Variants in PPP3CB observed in about 807,000 individuals in gnomAD.
PPP3CB encodes the protein protein phosphatase 3 catalytic subunit beta, also known as serine/threonine-protein phosphatase 2B catalytic subunit beta isoform.
In PPP3CB, 8 loss-of-function variants were observed where a neutral mutation model predicts 66.4. The observed-to-expected ratio is 0.12, with a 90% CI of 0.07 to 0.22. The LOEUF is 0.22. Among genes scored for constraint, PPP3CB ranks in the 10% least tolerant of loss-of-function variants. The pLI, the probability that PPP3CB is intolerant of heterozygous loss-of-function variation, is 1.00. For synonymous variants in PPP3CB, 208 were observed against 221.2 expected (o/e 0.94, Z 0.53); for missense variants, 319 against 642.5 (o/e 0.50, Z 5.44).
intron 1 of PPP3CB, among the ~76,000 whole-genome samples, chr10:73,484,727 G>A (rs1439962210): frequency 6.6e-6 from 1 of 152,028 alleles, no homozygotes; most frequent in Non-Finnish European, 1.5e-5. Context: ...CAACTGAAAT[G>A]GCTAATAATA....
In PPP3CB at chr10:73,437,881, T is replaced by C. The variant is rs1338875499; in HGVS notation, c.*361A>G. On this transcript the variant is annotated 3_prime_UTR_variant, in exon 14 of 14. Transcript: ENST00000360663. ...GTCCACATTAGCTCTTAGGATTGCATTTGAAATCATGATTGAAAAACAAAA... is the reference window on the plus strand; with the variant it reads ...GTCCACATTAGCTCTTAGGATTGCACTTGAAATCATGATTGAAAAACAAAA... 1 of 176,188 alleles carries C rather than the reference T, an allele frequency of 5.7e-6. No individual in the cohort carries two copies. The highest frequency in any genetic ancestry group is 1.2e-5 in the Non-Finnish European group (1 of 84,444). 10.9% of individuals were successfully genotyped at this position (176,188 alleles called of 1,614,324 possible). A position where few individuals can be genotyped will look rare whatever the true frequency, so the allele number is the denominator to read the frequency against.
At chr10:73,439,552 A>G (rs887546950) in intron 13 of PPP3CB, among the ~76,000 whole-genome samples, 1 of 152,112 alleles carries the variant, frequency 6.6e-6, no homozygotes, top group Non-Finnish European at 1.5e-5. Context: ...CAGTTTGGCA[A>G]TTTCCATTAA....
intron 10 of PPP3CB, among the ~76,000 whole-genome samples, chr10:73,451,976 G>A (rs2056353504): frequency 6.6e-6 from 1 of 151,374 alleles, no homozygotes; most frequent in African/African-American, 2.4e-5. Flanking sequence ...TTGATCTCCT[G>A]ACCTCATGAT....
chr10:73,488,485 G>A (rs1167059274), intron 1 of PPP3CB, among the ~76,000 whole-genome samples: 1 of 150,526 alleles, frequency 6.6e-6, no homozygotes, highest in Non-Finnish European at 1.5e-5. Context: ...GTTTGAACCT[G>A]CAGTGAGCTA....
At chr10:73,464,202 A>C (rs2132888995) in intron 9 of PPP3CB, among the ~76,000 whole-genome samples, 1 of 152,300 alleles carries the variant, frequency 6.6e-6, no homozygotes, top group Non-Finnish European at 1.5e-5. Flanking sequence ...TGCTGGGATT[A>C]CAGGCATGAG....
chr10:73,459,903 T>C (rs1301949268), intron 9 of PPP3CB, among the ~76,000 whole-genome samples: 1 of 152,190 alleles, frequency 6.6e-6, no homozygotes, highest in African/African-American at 2.4e-5. Flanking sequence ...CACAACTCTG[T>C]AGTATATAAA....
intron 9 of PPP3CB, among the ~76,000 whole-genome samples, chr10:73,459,450 C>T (rs768639220): frequency 4.6e-5 from 7 of 152,262 alleles, no homozygotes; most frequent in Admixed American, 1.3e-4. Flanking sequence ...CGCGCCACTG[C>T]GCTCCAGCCT....
At chr10:73,472,152 T>C (rs1007849170) in intron 4 of PPP3CB, among the ~76,000 whole-genome samples, 68 of 152,220 alleles carry the variant, frequency 4.5e-4, no homozygotes, top group African/African-American at 1.6e-3. Context: ...TAAAATTATT[T>C]TGGATGACAG....
intron 10 of PPP3CB, among the ~76,000 whole-genome samples, chr10:73,451,656 G>A (rs1024541260): frequency 2.0e-5 from 3 of 151,566 alleles, no homozygotes; most frequent in Non-Finnish European, 4.4e-5. Flanking sequence ...TAATCCCAGC[G>A]CTTTTTGAGA....
intron 1 of PPP3CB, 64 bp from the exon 2 acceptor site, chr10:73,479,581 A>C: frequency 6.8e-7 from 1 of 1,462,664 alleles, no homozygotes; most frequent in South Asian, 1.2e-5. Flanking sequence ...AAAACTAATA[A>C]TTGGATCTAG....
chr10:73,472,093 A>T (rs1424129487), intron 4 of PPP3CB, among the ~76,000 whole-genome samples: 1 of 152,194 alleles, frequency 6.6e-6, no homozygotes, highest in Non-Finnish European at 1.5e-5. Flanking sequence ...GCTCTCTCTA[A>T]AATTATTCTC....
At chr10:73,449,150 C>G (rs574905934) in intron 10 of PPP3CB, among the ~76,000 whole-genome samples, 15 of 152,230 alleles carry the variant, frequency 9.9e-5, no homozygotes, top group Non-Finnish European at 2.1e-4. Flanking sequence ...TCAAGGACAC[C>G]AACATCTGCA....
intron 8 of PPP3CB, among the ~76,000 whole-genome samples, chr10:73,469,291 G>A (rs1209821635): frequency 2.6e-5 from 4 of 152,124 alleles, no homozygotes; most frequent in African/African-American, 4.8e-5. Context: ...GCCTATAATC[G>A]CAGCACTTTG....
At chr10:73,446,758 T>C (rs558520784) in intron 10 of PPP3CB, among the ~76,000 whole-genome samples, 185 bp from the exon 11 acceptor site, 1 of 152,296 alleles carries the variant, frequency 6.6e-6, no homozygotes, top group East Asian at 1.9e-4. Context: ...TAGCTCAGCA[T>C]TGGTCTAATA....
In PPP3CB at chr10:73,458,138, TTTTG is replaced by T. The variant is rs2056460359; in HGVS notation, c.1109-3653_1109-3650del. Among the ~76,000 whole-genome samples, 17 of 152,234 alleles carry T rather than the reference TTTTG, an allele frequency of 1.1e-4. No homozygotes were observed. In the South Asian group the frequency reaches 2.9e-3, roughly 26 times the overall value. The stretch of plus-strand genomic sequence containing the variant: ...AATTTATATAGACAACAAAAAAATG[TTTTG>T]TTTTATTTTTTAGAGACGGAGTCTC... On this transcript the variant is annotated intron_variant, in intron 9 of 13. Transcript: ENST00000360663.
At chr10:73,475,146 C>A in intron 3 of PPP3CB, 116 bp from the exon 4 acceptor site, 1 of 1,313,086 alleles carries the variant, frequency 7.6e-7, no homozygotes, top group Non-Finnish European at 9.8e-7. Context: ...TTTCTTTGTC[C>A]CTTACTAAAA....
intron 12 of PPP3CB, among the ~76,000 whole-genome samples, chr10:73,442,256 A>G (rs543654116): frequency 1.3e-5 from 2 of 152,302 alleles, no homozygotes; most frequent in South Asian, 2.1e-4. Flanking sequence ...GAGTCCCTCC[A>G]GCAAAGCTGC....
chr10:73,454,379 TA>T (rs61458056), intron 10 of PPP3CB, 32 bp downstream of exon 10: 177,487 of 1,075,834 alleles, frequency 0.16, 5,552 homozygotes, highest in East Asian at 0.37. Context: ...CATTTCACAG[TA>T]AAAAAAAAAA....
chr10:73,481,174 T>TC (rs1346765596), intron 1 of PPP3CB, among the ~76,000 whole-genome samples: 1 of 150,412 alleles, frequency 6.6e-6, no homozygotes, highest in African/African-American at 2.5e-5. Flanking sequence ...TCTTTTTTTT[T>TC]TTTTTTTTAG....
Sources: gnomAD v4.1 joint callset for allele counts (sites outside exome capture counted in the v4.1 genomes callset) on GRCh38, gnomAD v4.1.1 for gene constraint, MANE v1.5 for transcripts, NCBI Gene and HGNC (gene_info 2026-07-23, HGNC 2026-07-21) for gene names.